Variants in ZBBX observed in about 807,000 individuals in gnomAD.
ZBBX encodes zinc finger B-box domain-containing protein 1.
ZBBX carries 101 observed loss-of-function variants against 108.5 expected under a neutral mutation model. That is an observed-to-expected ratio of 0.93 (90% CI 0.79 to 1.10). The LOEUF (loss-of-function observed/expected upper bound fraction) is 1.10. Among genes scored for constraint, ZBBX ranks in the 50% least tolerant of loss-of-function variants. The probability of loss-of-function intolerance (pLI) is 0.00; values close to 1 mark genes in which losing one functional copy is unlikely to be tolerated. For synonymous variants in ZBBX, 356 were observed against 323.4 expected, an observed-to-expected ratio of 1.10 and a Z score of -1.08; for missense variants, 1,009 against 941.4, an observed-to-expected ratio of 1.07 and a Z score of -0.94.
intron 12 of ZBBX, among the ~76,000 whole-genome samples, chr3:167,318,117 C>G (rs1393941104): frequency 6.6e-6 from 1 of 151,842 alleles, no homozygotes; most frequent in African/African-American, 2.4e-5. Context: ...CTGCTGCAGC[C>G]CATTTCATAT....
chr3:167,391,079 G>A (rs1184118590), intron 1 of ZBBX, among the ~76,000 whole-genome samples: 1 of 152,132 alleles, frequency 6.6e-6, no homozygotes, highest in Non-Finnish European at 1.5e-5. Flanking sequence ...CAAAGGGAAT[G>A]CTTCCAGCTT....
At chr3:167,274,280 A>T (rs556734250) in intron 20 of ZBBX, among the ~76,000 whole-genome samples, 4 of 152,074 alleles carry the variant, frequency 2.6e-5, no homozygotes, top group Non-Finnish European at 5.9e-5. Context: ...CCCAATCTTC[A>T]CTTCTCTTGC....
intron 20 of ZBBX, among the ~76,000 whole-genome samples, chr3:167,275,156 C>T (rs1024208530): frequency 1.3e-5 from 2 of 151,960 alleles, no homozygotes; most frequent in African/African-American, 2.4e-5. Context: ...GTGCATAAAC[C>T]TATTTTTGTA....
chr3:167,288,541 T>C (rs967987169), intron 19 of ZBBX, among the ~76,000 whole-genome samples: 2 of 152,204 alleles, frequency 1.3e-5, no homozygotes, highest in African/African-American at 4.8e-5. Flanking sequence ...AACATACTGC[T>C]TCCTGAGTGA....
chr3:167,372,336 C>T (rs1460446329), intron 4 of ZBBX, among the ~76,000 whole-genome samples: 5 of 152,296 alleles, frequency 3.3e-5, no homozygotes, highest in Non-Finnish European at 7.4e-5. Flanking sequence ...CTCTCCCATA[C>T]CCCTGCAAGG....
Position 167,256,149 on chromosome 3 carries a change from T to G in ZBBX, c.2255-13506A>C, listed in dbSNP as rs372269205. Among the ~76,000 whole-genome samples, 4 of 152,184 alleles carry G rather than the reference T, an allele frequency of 2.6e-5. No individual in the cohort carries two copies. In the East Asian group the frequency reaches 5.8e-4, roughly 22 times the overall value. On this transcript the variant is annotated intron_variant, in intron 20 of 21. Coordinates refer to ENST00000675490, the MANE Select transcript of ZBBX (RefSeq NM_001199201.2). ...CAAATGACAGAATCTTATCCTCTTTTATGATTGAATAATACTTCATTATGT... is the reference window on the plus strand; with the variant it reads ...CAAATGACAGAATCTTATCCTCTTTGATGATTGAATAATACTTCATTATGT...
At chr3:167,324,153 T>C (rs1231518786) in intron 11 of ZBBX, among the ~76,000 whole-genome samples, 1 of 152,100 alleles carries the variant, frequency 6.6e-6, no homozygotes, top group Non-Finnish European at 1.5e-5. Flanking sequence ...AAATTCTTTT[T>C]TTTTTCTTTG....
the ZBBX span, among the ~76,000 whole-genome samples, chr3:167,187,881 C>T: frequency 6.6e-6 from 1 of 152,114 alleles, no homozygotes; most frequent in South Asian, 2.1e-4. Context: ...AACTGAATCA[C>T]ACAACAGGAA....
the ZBBX span, among the ~76,000 whole-genome samples, chr3:167,196,048 A>G: frequency 6.6e-6 from 1 of 152,208 alleles, no homozygotes; most frequent in Admixed American, 6.5e-5. Context: ...CATTATGGCC[A>G]CTATACATTC....
intron 20 of ZBBX, among the ~76,000 whole-genome samples, chr3:167,277,324 A>T (rs188586333): frequency 5.7e-4 from 87 of 152,340 alleles, no homozygotes; most frequent in Non-Finnish European, 1.2e-3. Context: ...AAGAGTCAAA[A>T]CCCATCAGTG....
intron 1 of ZBBX, among the ~76,000 whole-genome samples, chr3:167,393,601 T>A (rs41350745): frequency 0.29 from 43,995 of 151,716 alleles, 6,457 homozygotes; most frequent in South Asian, 0.31. Flanking sequence ...TGTGATTCTT[T>A]CCAGTCATTG....
chr3:167,292,876 C>T (rs1052584768), intron 18 of ZBBX, among the ~76,000 whole-genome samples: 5 of 151,978 alleles, frequency 3.3e-5, no homozygotes, highest in African/African-American at 7.3e-5. Context: ...ATATCACCAC[C>T]GATCCCACAG....
chr3:167,224,715 T>C, the ZBBX span, among the ~76,000 whole-genome samples: 1 of 151,956 alleles, frequency 6.6e-6, no homozygotes, highest in Non-Finnish European at 1.5e-5. Flanking sequence ...TAGTATGACA[T>C]AAATTAAATA....
At chr3:167,359,552 G>C (rs1243303538) in intron 8 of ZBBX, among the ~76,000 whole-genome samples, 1 of 152,030 alleles carries the variant, frequency 6.6e-6, no homozygotes, top group East Asian at 1.9e-4. Flanking sequence ...TTGTAGTTTT[G>C]GTTTGGTTTT....
chr3:167,315,310 A>G (rs1349217846), intron 15 of ZBBX, among the ~76,000 whole-genome samples: 2 of 152,188 alleles, frequency 1.3e-5, no homozygotes. Context: ...AAATCTACCT[A>G]GGAAGTAATC....
intron 20 of ZBBX, among the ~76,000 whole-genome samples, chr3:167,279,275 G>T (rs1728305570): frequency 6.6e-6 from 1 of 151,836 alleles, no homozygotes; most frequent in Admixed American, 6.6e-5. Context: ...GGAAATAAAG[G>T]GTATTCAATT....
chr3:167,182,781 T>C, the ZBBX span, among the ~76,000 whole-genome samples: 2 of 135,944 alleles, frequency 1.5e-5, no homozygotes, highest in Non-Finnish European at 1.6e-5. Flanking sequence ...GCAATATTCT[T>C]TAACAGTCCC....
At chr3:167,332,563 AT>A (rs879750418) in intron 10 of ZBBX, among the ~76,000 whole-genome samples, 3 of 152,128 alleles carry the variant, frequency 2.0e-5, no homozygotes, top group Non-Finnish European at 2.9e-5. Context: ...TGAATCTCTC[AT>A]CTTTCTCATC....
At chr3:167,351,866 A>T (rs1742715103) in intron 8 of ZBBX, among the ~76,000 whole-genome samples, 1 of 151,962 alleles carries the variant, frequency 6.6e-6, no homozygotes, top group Non-Finnish European at 1.5e-5. Context: ...CAGATCAAGC[A>T]CCCCATTCCT....
Sources: gnomAD v4.1 joint callset for allele counts (sites outside exome capture counted in the v4.1 genomes callset) on GRCh38, gnomAD v4.1.1 for gene constraint, MANE v1.5 for transcripts, NCBI Gene and HGNC (gene_info 2026-07-23, HGNC 2026-07-21) for gene names.